The following DCHS2 variants were observed in gnomAD, a reference collection of about 807,000 sequenced individuals.
DCHS2 encodes the protein protocadherin-23.
A neutral mutation model predicts 182.4 loss-of-function variants in DCHS2; 142 were observed. That is an observed-to-expected ratio of 0.78 (90% CI 0.68 to 0.89). The LOEUF is 0.89. DCHS2 is among the 40% of genes least tolerant of loss of function. The pLI, the probability that DCHS2 is intolerant of heterozygous loss-of-function variation, is 0.00. For missense variants in DCHS2, 4,319 were observed against 4,198.6 expected (o/e 1.03, Z -0.79); for synonymous variants, 1,740 against 1,663.3 (o/e 1.05, Z -1.12).
At chr4:154,462,119 A>G (rs1336406492) in intron 1 of DCHS2, among the ~76,000 whole-genome samples, 2 of 152,188 alleles carry the variant, frequency 1.3e-5, no homozygotes, top group Admixed American at 1.3e-4. Context: ...AGTACAACAA[A>G]TATCTTTTAT....
chr4:154,325,820 G>A (rs1248579126), intron 7 of DCHS2, among the ~76,000 whole-genome samples: 2 of 152,196 alleles, frequency 1.3e-5, no homozygotes, highest in Non-Finnish European at 2.9e-5. Flanking sequence ...GACCATGGAG[G>A]TATTGAGAAG....
At chr4:154,250,463 A>G (rs1416109927) in intron 16 of DCHS2, among the ~76,000 whole-genome samples, 1 of 152,108 alleles carries the variant, frequency 6.6e-6, no homozygotes, top group African/African-American at 2.4e-5. Context: ...TGAGCTACAG[A>G]TTATTATTTT....
chr4:154,236,304 G>A lies in DCHS2; in HGVS notation c.8348C>T (p.Pro2783Leu), dbSNP rs1259290299. The A allele has an allele frequency of 3.7e-6, 6 of 1,613,932 alleles. No individual in the cohort carries two copies. In the African/African-American group the frequency reaches 8.0e-5, roughly 22 times the overall value. Residue 2783 changes from proline to leucine, a missense_variant, in exon 20 of 20, where the codon CCT (proline) becomes CTT (leucine). Pro to Leu is a moderately conservative substitution (Grantham distance 98). Transcript: ENST00000357232. ...TATAGAGCATATGGTAGAGGAAATAGGCAGATTTTCTGGAACAATACAGCT... is the reference window on the plus strand; with the variant it reads ...TATAGAGCATATGGTAGAGGAAATAAGCAGATTTTCTGGAACAATACAGCT... ...SFSCIVPENL[P>L]ISSTICSINA...
At chr4:154,390,605 G>A (rs60164156) in intron 1 of DCHS2, among the ~76,000 whole-genome samples, 3,870 of 151,642 alleles carry the variant, frequency 0.026, 143 homozygotes, top group South Asian at 0.13. Context: ...AAGTTATGAC[G>A]CCTACTTTCC....
At chr4:154,363,279 A>T (rs1476739718) in intron 3 of DCHS2, among the ~76,000 whole-genome samples, 1 of 152,220 alleles carries the variant, frequency 6.6e-6, no homozygotes, top group Non-Finnish European at 1.5e-5. Context: ...TCATTGCAGC[A>T]TTATTCACAA....
At chr4:154,399,828 A>G (rs1008728554) in intron 1 of DCHS2, among the ~76,000 whole-genome samples, 7 of 152,148 alleles carry the variant, frequency 4.6e-5, no homozygotes, top group Non-Finnish European at 1.0e-4. Context: ...TCAGAACAGC[A>G]AGGGAAACCT....
chr4:154,413,561 T>C (rs1193109188), intron 1 of DCHS2, among the ~76,000 whole-genome samples: 1 of 152,224 alleles, frequency 6.6e-6, no homozygotes, highest in African/African-American at 2.4e-5. Flanking sequence ...ACTTGATCTG[T>C]GTCCCAGAAG....
At chr4:154,273,713 C>T (rs1733701619) in intron 13 of DCHS2, among the ~76,000 whole-genome samples, 1 of 152,046 alleles carries the variant, frequency 6.6e-6, no homozygotes, top group African/African-American at 2.4e-5. Context: ...CTCATAGTTC[C>T]TTTACTGGCC....
chr4:154,428,728 C>T (rs1205955079), intron 1 of DCHS2, among the ~76,000 whole-genome samples: 1 of 151,748 alleles, frequency 6.6e-6, no homozygotes, highest in African/African-American at 2.4e-5. Context: ...TGGTGAAACA[C>T]CGTCTCTACT....
intron 16 of DCHS2, among the ~76,000 whole-genome samples, chr4:154,247,572 G>A (rs546242655): frequency 9.5e-4 from 142 of 148,914 alleles, no homozygotes; most frequent in Non-Finnish European, 1.7e-3. Context: ...AACCTGGGAG[G>A]CAGAGGTTGC....
In DCHS2 at chr4:154,482,740, T is replaced by C. The variant is rs534803050; in HGVS notation, c.2052+6564A>G. ...GGGGATTGTTGGATGGATGGATAGATGGATGGGAGAATATGAATGGGTGAG... is the reference window on the plus strand; with the variant it reads ...GGGGATTGTTGGATGGATGGATAGACGGATGGGAGAATATGAATGGGTGAG... On this transcript the variant is annotated intron_variant, in intron 1 of 19. Transcript: ENST00000357232. 3.9e-5 allele frequency among the ~76,000 whole-genome samples: 6 copies of C among 152,208 alleles called. No individual in the cohort carries two copies. In the East Asian group the frequency reaches 1.2e-3, roughly 29 times the overall value.
chr4:154,387,243 G>A (rs923375915), intron 1 of DCHS2, among the ~76,000 whole-genome samples: 3 of 152,130 alleles, frequency 2.0e-5, no homozygotes, highest in Non-Finnish European at 2.9e-5. Context: ...CAAAAAAGCA[G>A]TCTAAGGAAA....
chr4:154,396,928 T>G (rs1182414793), intron 1 of DCHS2, among the ~76,000 whole-genome samples: 1 of 152,218 alleles, frequency 6.6e-6, no homozygotes, highest in Admixed American at 6.5e-5. Context: ...TTTGATTTAC[T>G]TATATATCCT....
intron 3 of DCHS2, among the ~76,000 whole-genome samples, chr4:154,335,946 C>T (rs761388606): frequency 6.6e-6 from 1 of 152,192 alleles, no homozygotes; most frequent in Non-Finnish European, 1.5e-5. Flanking sequence ...CCAGTATATT[C>T]TAATGCAGGC....
intron 13 of DCHS2, among the ~76,000 whole-genome samples, chr4:154,286,880 T>A (rs1204520731): frequency 1.3e-5 from 2 of 151,978 alleles, no homozygotes; most frequent in Non-Finnish European, 2.9e-5. Context: ...CACCAAGCAG[T>A]TTTAACCCAA....
In DCHS2 at chr4:154,369,852, G is replaced by A. The variant is rs954553461; in HGVS notation, c.2245-3411C>T. Among the ~76,000 whole-genome samples, 3 of 152,274 alleles carry A rather than the reference G, an allele frequency of 2.0e-5. No individual in the cohort carries two copies. In the South Asian group the frequency reaches 6.2e-4, roughly 32 times the overall value. On this transcript the variant is annotated intron_variant, in intron 2 of 19. Transcript: ENST00000357232. ...TACTATAAAAGATGAAAGTTGTTTG[G>A]GAAAGCTCCAAGCTTGAAAACATAT...
At chr4:154,371,452 A>T (rs540785669) in intron 2 of DCHS2, among the ~76,000 whole-genome samples, 2 of 152,076 alleles carry the variant, frequency 1.3e-5, no homozygotes, top group Non-Finnish European at 2.9e-5. Flanking sequence ...TAAAGAAACA[A>T]TCAGAGACCA....
chr4:154,469,008 A>G (rs1735351298), intron 1 of DCHS2, among the ~76,000 whole-genome samples: 1 of 152,192 alleles, frequency 6.6e-6, no homozygotes, highest in South Asian at 2.1e-4. Context: ...CAACTTACAT[A>G]TATATCAAAA....
In DCHS2 at chr4:154,321,145, G is replaced by A. The variant is rs201962330; in HGVS notation, c.4254C>T (p.Pro1418=). The A allele has an allele frequency of 5.6e-6, 9 of 1,593,192 alleles. No homozygotes were observed. Among genetic ancestry groups the A allele is most frequent in the African/African-American group, 1.3e-5 (1 of 74,234 alleles). Residue 1418 remains proline, a synonymous_variant, in exon 9 of 20, where the codon CCC becomes CCT. Transcript: ENST00000357232. ...ACTTTATCAAGCTCATTATTTTTGT[G>A]GGCTTCAAATTTTCTGGTATAATTA... ...RHLIIPENLK[P]TKIMSLIKSS... is the part of the protein sequence containing the mutation.
Sources: gnomAD v4.1 joint callset for allele counts (sites outside exome capture counted in the v4.1 genomes callset) on GRCh38, gnomAD v4.1.1 for gene constraint, MANE v1.5 for transcripts, NCBI Gene and HGNC (gene_info 2026-07-23, HGNC 2026-07-21) for gene names.